The following DNM2 variants were observed in gnomAD, a reference collection of about 807,000 sequenced individuals.
The protein encoded by DNM2 is dynamin-2.
A neutral mutation model predicts 99.0 loss-of-function variants in DNM2; 15 were observed. That is an observed-to-expected ratio of 0.15 (90% CI 0.10 to 0.23). The LOEUF is 0.23. Among genes scored for constraint, DNM2 ranks in the 10% least tolerant of loss-of-function variants. The probability of loss-of-function intolerance (pLI) is 1.00; values close to 1 mark genes in which losing one functional copy is unlikely to be tolerated. For missense variants in DNM2, 742 were observed against 1,189.4 expected (o/e 0.62, Z 5.53); for synonymous variants, 525 against 481.2 (o/e 1.09, Z -1.19).
chr19:10,747,349 C>T (rs940686118), intron 1 of DNM2, among the ~76,000 whole-genome samples: 2 of 152,284 alleles, frequency 1.3e-5, no homozygotes, highest in Admixed American at 1.3e-4. Context: ...ATACTGGATT[C>T]CAGCCAGGGC....
At chr19:10,719,020 C>A (rs1347373543) in intron 1 of DNM2, among the ~76,000 whole-genome samples, 1 of 152,176 alleles carries the variant, frequency 6.6e-6, no homozygotes, top group Non-Finnish European at 1.5e-5. Flanking sequence ...AGCAGTCCCT[C>A]TGTTGGGTGA....
intron 1 of DNM2, among the ~76,000 whole-genome samples, chr19:10,719,868 T>C (rs1443989591): frequency 6.6e-6 from 1 of 152,248 alleles, no homozygotes; most frequent in Non-Finnish European, 1.5e-5. Context: ...GCCACTAGGC[T>C]GGCGTAAGGC....
intron 15 of DNM2, among the ~76,000 whole-genome samples, chr19:10,814,701 G>A (rs1309758933): frequency 2.0e-5 from 3 of 150,980 alleles, no homozygotes; most frequent in South Asian, 2.1e-4. Flanking sequence ...TAGCTCCCAC[G>A]TATGAGTGAC....
chr19:10,815,912 C>T (rs1344974943), intron 15 of DNM2, among the ~76,000 whole-genome samples: 1 of 152,116 alleles, frequency 6.6e-6, no homozygotes, highest in Non-Finnish European at 1.5e-5. Flanking sequence ...CGGCTGGCCC[C>T]AGGGAGAAGC....
At chr19:10,799,539 T>TG (rs1167089631) in intron 11 of DNM2, among the ~76,000 whole-genome samples, 6 of 149,766 alleles carry the variant, frequency 4.0e-5, no homozygotes, top group African/African-American at 1.5e-4. Context: ...TTTTTGTTTT[T>TG]TTTTTTTTTT....
chr19:10,756,210 C>G lies in DNM2; in HGVS notation c.162-3528C>G, dbSNP rs1013529013. 2.6e-5 allele frequency among the ~76,000 whole-genome samples: 4 copies of G among 152,098 alleles called. No homozygotes were observed. The South Asian group carries it at 8.3e-4, about 32-fold the overall frequency. On this transcript the variant is annotated intron_variant, in intron 1 of 20. Coordinates refer to ENST00000389253, the MANE Select transcript of DNM2 (RefSeq NM_001005361.3). Reference sequence around the variant, plus strand: ...GGGGGCGCCCGCTCGCTGTTTCCCTCGTTCAGTTCACTCCGCCTCCCAATT... The same window carrying G: ...GGGGGCGCCCGCTCGCTGTTTCCCTGGTTCAGTTCACTCCGCCTCCCAATT...
chr19:10,817,106 G>A lies in DNM2; in HGVS notation c.1672-2874G>A, dbSNP rs1271697406. ...AGCAGGGACCCTTGGAGTCACACAC[G>A]TGGCAGCCACCCCTGAGGAGGAGGC... On this transcript the variant is annotated intron_variant, in intron 15 of 20. Coordinates refer to ENST00000389253, the MANE Select transcript of DNM2 (RefSeq NM_001005361.3). This position sits in a 1 kb window ranked among gnomAD's most constrained non-coding sequence, Gnocchi z 4.6. 1.3e-5 allele frequency among the ~76,000 whole-genome samples: 2 copies of A among 152,210 alleles called. No homozygotes were observed. The highest frequency in any genetic ancestry group is 2.9e-5 in the Non-Finnish European group (2 of 68,028).
chr19:10,801,605 CAAAA>C (rs34520425), intron 11 of DNM2, among the ~76,000 whole-genome samples: 2 of 56,584 alleles, frequency 3.5e-5, no homozygotes, highest in Non-Finnish European at 3.9e-5. Context: ...GTTCTTTTCT[CAAAA>C]AAAAAAAAAA....
At chr19:10,824,202 A>G (rs574799739) in intron 17 of DNM2, 29 of 417,152 alleles carry the variant, frequency 7.0e-5, no homozygotes, top group Admixed American at 2.9e-4. Flanking sequence ...CTTGGCCCCA[A>G]TATTAAAATG....
At chr19:10,786,336 T>G in intron 6 of DNM2, 1 of 666,374 alleles carries the variant, frequency 1.5e-6, no homozygotes. Context: ...GTCGGCCCCG[T>G]GGGCTGTTTG....
chr19:10,778,589 C>G (rs2071236843), intron 5 of DNM2, among the ~76,000 whole-genome samples: 1 of 151,986 alleles, frequency 6.6e-6, no homozygotes, highest in Admixed American at 6.6e-5. Flanking sequence ...GAGTTCGAAG[C>G]TGCAGTGAGC....
rs2072745041 is a variant in DNM2 at position 10,816,459 on chromosome 19, G to A, written c.1672-3521G>A. On this transcript the variant is annotated intron_variant, in intron 15 of 20. Coordinates refer to ENST00000389253, the MANE Select transcript of DNM2 (RefSeq NM_001005361.3). The surrounding 1 kb of genome is among the most constrained non-coding windows in gnomAD (Gnocchi z 4.6). The stretch of plus-strand genomic sequence containing the variant: ...CCTCAGATCCAGCGAACCTCATGGG[G>A]TTGGGATGTGGGAGGAGTGTGGAGC... Among the ~76,000 whole-genome samples the A allele has an allele frequency of 6.6e-6, 1 of 152,196 alleles. No homozygotes were observed. Among genetic ancestry groups the A allele is most frequent in the African/African-American group, 2.4e-5 (1 of 41,452 alleles).
At chr19:10,751,720 C>G (rs915701025) in intron 1 of DNM2, among the ~76,000 whole-genome samples, 4 of 152,266 alleles carry the variant, frequency 2.6e-5, no homozygotes, top group African/African-American at 9.6e-5. Flanking sequence ...ATGCGAGGCC[C>G]TCTGCGCCTG....
rs571395001 is a variant in DNM2 at position 10,722,534 on chromosome 19, G to A, written c.161+4131G>A. ...TAATTTTTGTATTTTTAGTAGAGAC[G>A]AGGTTTCACCATGTTAGCCAGGATG... On this transcript the variant is annotated intron_variant, in intron 1 of 20. Coordinates refer to ENST00000389253, the MANE Select transcript of DNM2 (RefSeq NM_001005361.3). Among the ~76,000 whole-genome samples, 81 of 151,828 alleles carry A rather than the reference G, an allele frequency of 5.3e-4. 1 individual carries two copies. Among genetic ancestry groups the A allele is most frequent in the African/African-American group, 1.9e-3 (78 of 41,418 alleles).
At chr19:10,808,111 C>T (rs181892053) in intron 13 of DNM2, among the ~76,000 whole-genome samples, 442 of 151,544 alleles carry the variant, frequency 2.9e-3, no homozygotes, top group African/African-American at 0.01. Context: ...CCACTGCACT[C>T]TGGCCTGGGC....
chr19:10,726,272 T>A (rs2069114127), intron 1 of DNM2, among the ~76,000 whole-genome samples: 1 of 151,732 alleles, frequency 6.6e-6, no homozygotes, highest in Non-Finnish European at 1.5e-5. Context: ...TGTTGCTCAG[T>A]TTGGTGTCAA....
In DNM2 at chr19:10,831,031, C is replaced by T; in HGVS notation, c.2597C>T (p.Pro866Leu). Reference protein sequence around the residue: ...SRPTIIRPAEPSLLD With the variant: ...SRPTIIRPAELSLLD ...CCCACCATTATCCGCCCAGCCGAGC[C>T]ATCCCTGCTCGACTAGGCCTCGAGG... is the stretch of plus-strand genomic sequence containing the variant. Residue 866 changes from proline to leucine, a missense_variant, in exon 21 of 21, where the codon CCA becomes CTA. Physicochemically the swap from Pro to Leu is moderately conservative, Grantham distance 98. Around this residue, in one of 7 missense-constraint regions of DNM2, gnomAD observed 187 missense variants for 218.8 expected, o/e 0.85. Coordinates refer to ENST00000389253, the MANE Select transcript of DNM2 (RefSeq NM_001005361.3). This position sits in a 1 kb window ranked among gnomAD's most constrained non-coding sequence, Gnocchi z 4.3. The T allele has an allele frequency of 1.9e-6, 3 of 1,610,182 alleles. No individual in the cohort carries two copies. The highest frequency in any genetic ancestry group is 2.5e-6 in the Non-Finnish European group (3 of 1,178,268).
chr19:10,730,850 C>G (rs2069287994), intron 1 of DNM2, among the ~76,000 whole-genome samples: 1 of 152,128 alleles, frequency 6.6e-6, no homozygotes, highest in South Asian at 2.1e-4. Flanking sequence ...GTGGCCCTGG[C>G]AGGGGCAGGC....
At chr19:10,721,122 G>A (rs1319488481) in intron 1 of DNM2, among the ~76,000 whole-genome samples, 2 of 151,934 alleles carry the variant, frequency 1.3e-5, no homozygotes, top group African/African-American at 4.8e-5. Context: ...TGGTTCCTGT[G>A]GCGACCTCCT....
Sources: gnomAD v4.1 joint callset for allele counts (sites outside exome capture counted in the v4.1 genomes callset) on GRCh38, gnomAD v4.1.1 for gene constraint, gnomAD v4.1.1 regional missense constraint, Gnocchi (gnomAD v3.1) non-coding constraint, MANE v1.5 for transcripts, NCBI Gene and HGNC (gene_info 2026-07-23, HGNC 2026-07-21) for gene names.